RNF10: variants seen among roughly 807,000 people sequenced by gnomAD.
RNF10 encodes the protein E3 ubiquitin-protein ligase RNF10.
Under a neutral mutation model 91.4 loss-of-function variants are expected in RNF10, and 38 were observed. The observed-to-expected ratio is 0.42, with a 90% CI of 0.32 to 0.54. The LOEUF is 0.54. Ranked by LOEUF, RNF10 falls within the 20% of genes least tolerant of loss-of-function variation. RNF10 has a pLI of 0.16. For missense variants in RNF10, 945 were observed against 1,012.0 expected (o/e 0.93, Z 0.90); for synonymous variants, 364 against 366.3 (o/e 0.99, Z 0.07).
At chr12:120,557,487 CAGTT>C (rs748924190) in intron 5 of RNF10, 21 bp downstream of exon 5, 122 of 1,613,476 alleles carry the variant, frequency 7.6e-5, no homozygotes, top group Non-Finnish European at 9.2e-5. Context: ...GACATTTACT[CAGTT>C]AGATCCCAAT....
In RNF10 at chr12:120,554,735, C is replaced by T. The variant is rs1172479064; in HGVS notation, c.572C>T (p.Ser191Phe). Reference sequence around the variant, plus strand: ...ATTTCTAGCTGCCAATTTGTGGTGTCTGAAGACCAAGACTACACAGCTCAT... The same window carrying T: ...ATTTCTAGCTGCCAATTTGTGGTGTTTGAAGACCAAGACTACACAGCTCAT... ...FLQANCQFVV[S>F]EDQDYTAHFA... Residue 191 changes from serine (S) to phenylalanine (F), a missense_variant, in exon 4 of 17, where the codon TCT becomes TTT. By Grantham distance (155) the Ser-to-Phe change is radical (BLOSUM62 -2). Coordinates refer to ENST00000325954, the MANE Select transcript of RNF10 (RefSeq NM_014868.5). The T allele has an allele frequency of 6.2e-7, 1 of 1,613,836 alleles. No individual in the cohort carries two copies. Among genetic ancestry groups the T allele is most frequent in the African/African-American group, 1.3e-5 (1 of 74,904 alleles).
At chr12:120,536,031 G>A (rs1870733787) in intron 1 of RNF10, among the ~76,000 whole-genome samples, 1 of 152,188 alleles carries the variant, frequency 6.6e-6, no homozygotes, top group Non-Finnish European at 1.5e-5. Flanking sequence ...ATAGGAAGGT[G>A]TTTTCAGCGA....
intron 1 of RNF10, among the ~76,000 whole-genome samples, chr12:120,541,952 C>T (rs573274340): frequency 1.3e-5 from 2 of 151,080 alleles, no homozygotes; most frequent in Admixed American, 6.6e-5. Flanking sequence ...CTGCAAGCCC[C>T]GCCTCCCAGG....
chr12:120,548,726 C>T (rs1872650769), intron 2 of RNF10, among the ~76,000 whole-genome samples: 2 of 147,276 alleles, frequency 1.4e-5, no homozygotes, highest in Admixed American at 7.0e-5. Flanking sequence ...GTGGCGCAAT[C>T]TCGGCTCACT....
At chr12:120,564,201 T>C (rs1321580768) in intron 10 of RNF10, among the ~76,000 whole-genome samples, 2 of 152,226 alleles carry the variant, frequency 1.3e-5, no homozygotes, top group African/African-American at 2.4e-5. Context: ...GATATTTCTT[T>C]TATTTAAGAT....
intron 1 of RNF10, among the ~76,000 whole-genome samples, chr12:120,536,437 A>G (rs1870813069): frequency 6.6e-6 from 1 of 152,056 alleles, no homozygotes; most frequent in African/African-American, 2.4e-5. Flanking sequence ...AACAGTAAAA[A>G]GAAAACTAAG....
intron 7 of RNF10, 36 bp downstream of exon 7, chr12:120,560,922 C>CT: frequency 6.3e-7 from 1 of 1,597,642 alleles, no homozygotes; most frequent in African/African-American, 1.3e-5. Context: ...AACCTTTTCA[C>CT]TTTCTCGGCG....
intron 13 of RNF10, among the ~76,000 whole-genome samples, chr12:120,570,891 A>G (rs976562811): frequency 6.6e-6 from 1 of 152,178 alleles, no homozygotes; most frequent in African/African-American, 2.4e-5. Context: ...CTTTGTGGAA[A>G]GTATAGCATT....
chr12:120,560,823 G>C lies in RNF10; in HGVS notation c.1065G>C (p.Gln355His). 1 of 1,614,208 alleles carries C rather than the reference G, an allele frequency of 6.2e-7. No individual in the cohort carries two copies. The highest frequency in any genetic ancestry group is 8.5e-7 in the Non-Finnish European group (1 of 1,180,036). Residue 355 changes from glutamine (Q) to histidine (H), a missense_variant, in exon 7 of 17, where the codon CAG (glutamine) becomes CAC (histidine). Gln to His is a conservative substitution (Grantham distance 24). Coordinates refer to ENST00000325954, the MANE Select transcript of RNF10 (RefSeq NM_014868.5). ...AGGAGAAAGTAGCACTAGAGCAGCA[G>C]CTGGCAGAGGAGAAGCACACTCCCG... ...VLEEKVALEQ[Q>H]LAEEKHTPES...
intron 12 of RNF10, among the ~76,000 whole-genome samples, chr12:120,565,819 A>G (rs1386476745): frequency 6.6e-6 from 1 of 152,380 alleles, no homozygotes; most frequent in African/African-American, 2.4e-5. Flanking sequence ...GCTGGGGGCC[A>G]TCGTTCCCCA....
intron 16 of RNF10, 133 bp downstream of exon 16, chr12:120,576,083 C>A: frequency 1.1e-6 from 1 of 882,262 alleles, no homozygotes; most frequent in Non-Finnish European, 1.8e-6. Flanking sequence ...ACTCTAGTGT[C>A]ATTTAAATAA....
At chr12:120,565,261 G>A (rs1875524091) in intron 11 of RNF10, 72 bp downstream of exon 11, 2 of 1,217,914 alleles carry the variant, frequency 1.6e-6, no homozygotes, top group Admixed American at 1.7e-5. Context: ...ACCCAGTGGG[G>A]GAGGAAACTT....
intron 16 of RNF10, 35 bp from the exon 17 acceptor site, chr12:120,576,555 T>C (rs1488956581): frequency 1.2e-6 from 2 of 1,607,286 alleles, no homozygotes; most frequent in Admixed American, 3.4e-5. Context: ...GGGATGGCAT[T>C]TTAAGTTAAG....
In RNF10 at chr12:120,560,500, C is replaced by T. The variant is rs147354400; in HGVS notation, c.968-226C>T. 2.3e-3 allele frequency among the ~76,000 whole-genome samples: 354 copies of T among 152,132 alleles called. 2 individuals are homozygous for T. The highest frequency in any genetic ancestry group is 7.8e-3 in the African/African-American group (322 of 41,488). ...ACATACAATGCTGTAACAATAAACG[C>T]GTGACTAAAGTTTTGACTACATCTC... On this transcript the variant is annotated intron_variant, in intron 6 of 16. Transcript: ENST00000325954.
chr12:120,555,021 C>T (rs926591646), intron 4 of RNF10, among the ~76,000 whole-genome samples: 2 of 152,144 alleles, frequency 1.3e-5, no homozygotes, highest in African/African-American at 4.8e-5. Flanking sequence ...ATGAAAGGCT[C>T]TGATCTGAAG....
chr12:120,564,036 A>G, intron 10 of RNF10, 93 bp downstream of exon 10: 1 of 1,423,040 alleles, frequency 7.0e-7, no homozygotes. Context: ...ACAAACCTTC[A>G]AGGCCTTTAG....
In RNF10 at chr12:120,552,507, G is replaced by C. The variant is rs1873261090; in HGVS notation, c.363G>C (p.Glu121Asp). The C allele has an allele frequency of 6.2e-7, 1 of 1,613,346 alleles. No homozygotes were observed. The highest frequency in any genetic ancestry group is 1.7e-5 in the Admixed American group (1 of 59,982). The change falls in exon 3 of 17, where the codon GAG (glutamate) becomes GAC (aspartate). Residue 121 changes from glutamate to aspartate, a missense_variant. Glu to Asp is a conservative substitution (Grantham distance 45). Transcript: ENST00000325954. ...FNGGRRDEVAEAQRAEFSPAQ... is the reference protein window; with the variant it reads ...FNGGRRDEVADAQRAEFSPAQ... ...ATTCTCATTCTCTCTAGGTAGCAGAGGCTCAACGGGCAGAGTTTAGCCCTG... is the reference window on the plus strand; with the variant it reads ...ATTCTCATTCTCTCTAGGTAGCAGACGCTCAACGGGCAGAGTTTAGCCCTG...
At chr12:120,543,052 G>A (rs933815803) in intron 1 of RNF10, among the ~76,000 whole-genome samples, 3 of 152,162 alleles carry the variant, frequency 2.0e-5, no homozygotes, top group Admixed American at 6.5e-5. Context: ...GACTATGGGC[G>A]TGAAGTGGTT....
chr12:120,547,404 A>T (rs1013563615), intron 2 of RNF10, among the ~76,000 whole-genome samples: 1 of 152,116 alleles, frequency 6.6e-6, no homozygotes, highest in African/African-American at 2.4e-5. Flanking sequence ...TGATCCTCCC[A>T]CCTCAGCTTT....
Sources: allele counts gnomAD v4.1 joint callset (sites outside exome capture counted in the v4.1 genomes callset), GRCh38; gene constraint gnomAD v4.1.1; transcripts MANE v1.5; gene names NCBI Gene and HGNC (gene_info 2026-07-23, HGNC 2026-07-21).